PAM: variants seen among roughly 807,000 people sequenced by gnomAD.
The protein encoded by PAM is peptidyl-glycine alpha-amidating monooxygenase.
In PAM, 72 loss-of-function variants were observed where a neutral mutation model predicts 122.1. That is an observed-to-expected ratio of 0.59 (90% CI 0.49 to 0.72). PAM has a LOEUF of 0.72. PAM is among the 30% of genes least tolerant of loss of function. The pLI is 0.00. For synonymous variants in PAM, 389 were observed against 404.4 expected (o/e 0.96, Z 0.46); for missense variants, 1,106 against 1,183.7 (o/e 0.93, Z 0.96).
chr5:102,946,818 T>C lies in PAM; in HGVS notation c.527-19T>C. The C allele has an allele frequency of 6.6e-7, 1 of 1,504,162 alleles. No homozygotes were observed. Among genetic ancestry groups the C allele is most frequent in the Non-Finnish European group, 9.2e-7 (1 of 1,082,514 alleles). The allele number at this position is 1,504,162 out of a possible 1,614,324, so 93.2% of individuals were successfully genotyped here. A position where few individuals can be genotyped will look rare whatever the true frequency, so the allele number is the denominator to read the frequency against. ...TACATTATCATATTTAAGATATGTG[T>C]TTCTATGTGTGTTTTCAGATAATAA... On this transcript the variant is annotated intron_variant, in intron 7 of 25. Transcript: ENST00000438793.
At chr5:102,789,622 C>T (rs1298368349) in intron 1 of PAM, among the ~76,000 whole-genome samples, 1 of 151,928 alleles carries the variant, frequency 6.6e-6, no homozygotes, top group Non-Finnish European at 1.5e-5. Flanking sequence ...GCTAGTTGCT[C>T]GGGGCTGGGA....
intron 3 of PAM, among the ~76,000 whole-genome samples, chr5:102,881,066 T>A (rs775346804): frequency 2.0e-5 from 3 of 151,452 alleles, no homozygotes; most frequent in Non-Finnish European, 4.4e-5. Context: ...AGAAGATATT[T>A]AAAAACTTAA....
At chr5:102,800,807 C>T (rs1433566162) in intron 1 of PAM, among the ~76,000 whole-genome samples, 1 of 152,120 alleles carries the variant, frequency 6.6e-6, no homozygotes, top group Non-Finnish European at 1.5e-5. Flanking sequence ...CTGGGCTTAT[C>T]TTCTCTTCCC....
intron 16 of PAM, among the ~76,000 whole-genome samples, chr5:102,995,425 C>A (rs1257743547): frequency 1.2e-4 from 18 of 152,044 alleles, no homozygotes; most frequent in Admixed American, 1.2e-3. Context: ...GGGAGATTTA[C>A]CAATTCAGTC....
In PAM at chr5:102,900,259, G is replaced by T. The variant is rs893726324; in HGVS notation, c.211-1097G>T. Among the ~76,000 whole-genome samples the T allele has an allele frequency of 6.6e-4, 82 of 124,654 alleles. 1 individual carries two copies. Among genetic ancestry groups the T allele is most frequent in the Non-Finnish European group, 8.0e-4 (48 of 59,862 alleles). 81.8% of individuals were successfully genotyped at this position (124,654 alleles called of 152,430 possible). ...GGTCTCTTAATGTGTGTGTGTGGGGGGGGGGCGGGGGGAAGAGGGTAGACA... is the reference window on the plus strand; with the variant it reads ...GGTCTCTTAATGTGTGTGTGTGGGGTGGGGGCGGGGGGAAGAGGGTAGACA... On this transcript the variant is annotated intron_variant, in intron 3 of 25. Coordinates refer to ENST00000438793, the MANE Select transcript of PAM (RefSeq NM_001177306.2).
chr5:102,763,294 A>T (rs1372274050), intron 1 of PAM, among the ~76,000 whole-genome samples: 1 of 152,092 alleles, frequency 6.6e-6, no homozygotes, highest in Admixed American at 6.6e-5. Context: ...TAGTGGAAAA[A>T]TTTTTTATCT....
chr5:102,863,270 C>G (rs2150910129), intron 1 of PAM, among the ~76,000 whole-genome samples: 1 of 152,278 alleles, frequency 6.6e-6, no homozygotes, highest in South Asian at 2.1e-4. Context: ...TATGAACATA[C>G]TCTGTTCCCC....
At chr5:102,957,858 T>C (rs999123015) in intron 12 of PAM, among the ~76,000 whole-genome samples, 2 of 152,176 alleles carry the variant, frequency 1.3e-5, no homozygotes, top group Admixed American at 1.3e-4. Flanking sequence ...TCAACTCTTC[T>C]GTAAGCATTT....
At chr5:103,028,115 G>A in intron 24 of PAM, 70 bp from the exon 25 acceptor site, 3 of 1,157,636 alleles carry the variant, frequency 2.6e-6, no homozygotes, top group Non-Finnish European at 3.9e-6. Flanking sequence ...ATTTTAAGTT[G>A]GAAGTTGAGT....
chr5:102,870,614 GTCTCT>G (rs1241907286), intron 3 of PAM, among the ~76,000 whole-genome samples: 1 of 152,144 alleles, frequency 6.6e-6, no homozygotes, highest in Non-Finnish European at 1.5e-5. Context: ...AGCTTATTCT[GTCTCT>G]TCTCTGACTT....
intron 23 of PAM, among the ~76,000 whole-genome samples, chr5:103,022,004 A>T (rs1306306808): frequency 6.6e-6 from 1 of 150,952 alleles, no homozygotes; most frequent in African/African-American, 2.4e-5. Flanking sequence ...TTCAGATGAT[A>T]AAAAAAAACT....
chr5:102,900,259 G>GGC (rs1554107268), intron 3 of PAM, among the ~76,000 whole-genome samples: 7 of 124,782 alleles, frequency 5.6e-5, no homozygotes, highest in African/African-American at 2.1e-4. Flanking sequence ...GTGTGTGGGG[G>GGC]GGGGGCGGGG....
intron 1 of PAM, among the ~76,000 whole-genome samples, chr5:102,839,636 G>A (rs1167855213): frequency 1.3e-5 from 2 of 151,794 alleles, no homozygotes; most frequent in African/African-American, 4.8e-5. Context: ...CAAATGAAAT[G>A]TTATAGAGGC....
rs562824231 is a variant in PAM, at chr5:102,961,696, C to T, written c.1162+467C>T. 2.0e-5 allele frequency among the ~76,000 whole-genome samples: 3 copies of T among 151,902 alleles called. No homozygotes were observed. The East Asian group carries it at 5.8e-4, about 29-fold the overall frequency. ...TTCTCTGCCTTCATCAAGGTAGGAG[C>T]GATTATTGTCTTATACATCTATAGT... On this transcript the variant is annotated intron_variant, in intron 14 of 25. Transcript: ENST00000438793.
intron 1 of PAM, among the ~76,000 whole-genome samples, chr5:102,792,522 G>A (rs1762297362): frequency 6.6e-6 from 1 of 152,120 alleles, no homozygotes; most frequent in Non-Finnish European, 1.5e-5. Context: ...GGCACTTTGT[G>A]TGCACTCTTT....
chr5:103,013,316 T>C (rs1169101841), intron 21 of PAM, among the ~76,000 whole-genome samples: 1 of 152,142 alleles, frequency 6.6e-6, no homozygotes, highest in East Asian at 1.9e-4. Flanking sequence ...CTTAAAAATA[T>C]TTTTGGCTAT....
chr5:102,812,106 A>G (rs1435161895), intron 1 of PAM, among the ~76,000 whole-genome samples: 1 of 152,206 alleles, frequency 6.6e-6, no homozygotes, highest in Non-Finnish European at 1.5e-5. Context: ...GTTTTGAATA[A>G]CACTGTCGTT....
chr5:102,926,093 CT>C (rs546341167), intron 6 of PAM, among the ~76,000 whole-genome samples: 201 of 146,696 alleles, frequency 1.4e-3, no homozygotes, highest in African/African-American at 1.9e-3. Context: ...TTATGTATGT[CT>C]TTTTTTTTTT....
chr5:102,996,531 T>G lies in PAM; in HGVS notation c.1613+6130T>G, dbSNP rs564163542. 3.3e-5 allele frequency among the ~76,000 whole-genome samples: 5 copies of G among 152,300 alleles called. No homozygotes were observed. In the East Asian group the frequency reaches 9.6e-4, roughly 29 times the overall value. ...TACTTAGCAAGTTTAACATGTGTGT[T>G]TGGAGGGGGACTGTGATTTTCTCAT... is the stretch of plus-strand genomic sequence containing the variant. On this transcript the variant is annotated intron_variant, in intron 16 of 25. Transcript: ENST00000438793.
Sources: gnomAD v4.1 joint callset for allele counts (sites outside exome capture counted in the v4.1 genomes callset) on GRCh38, gnomAD v4.1.1 for gene constraint, MANE v1.5 for transcripts, NCBI Gene and HGNC (gene_info 2026-07-23, HGNC 2026-07-21) for gene names.